KMT2C: variants seen among roughly 807,000 people sequenced by gnomAD.
KMT2C encodes lysine methyltransferase 2C, also known as histone-lysine N-methyltransferase 2C.
A neutral mutation model predicts 507.9 loss-of-function variants in KMT2C; 88 were observed. That is an observed-to-expected ratio of 0.17 (90% CI 0.15 to 0.21). The LOEUF (loss-of-function observed/expected upper bound fraction) is 0.21. Among genes scored for constraint, KMT2C ranks in the 10% least tolerant of loss-of-function variants. The probability of loss-of-function intolerance (pLI) is 1.00; values close to 1 mark genes in which losing one functional copy is unlikely to be tolerated. For synonymous variants in KMT2C, 2,049 were observed against 2,080.8 expected (o/e 0.98, Z 0.42); for missense variants, 4,954 against 5,957.8 (o/e 0.83, Z 5.55).
Position 152,182,588 on chromosome 7 carries a change from G to A in KMT2C, c.5272C>T (p.Arg1758Cys), listed in dbSNP as rs2093468706. The A allele has an allele frequency of 6.4e-7, 1 of 1,558,588 alleles. No individual in the cohort carries two copies. Among genetic ancestry groups the A allele is most frequent in the Non-Finnish European group, 8.7e-7 (1 of 1,152,756 alleles). The change falls in exon 36 of 59, where the codon CGT becomes TGT. Residue 1758 changes from arginine to cysteine, a missense_variant. By Grantham distance (180) the Arg-to-Cys change is radical (BLOSUM62 -3). Transcript: ENST00000262189. The stretch of plus-strand genomic sequence containing the variant: ...TTAGCTTGCTGCTTACTTTTCTGAC[G>A]CATTTGCTATTAAAATAGAAAAGAA... ...EQEWKFRQQM[R>C]QKSKQQAKIE...
chr7:152,301,887 C>G (rs1226836971), intron 6 of KMT2C, among the ~76,000 whole-genome samples: 1 of 152,184 alleles, frequency 6.6e-6, no homozygotes, highest in Non-Finnish European at 1.5e-5. Flanking sequence ...CATAAAAGTA[C>G]TTTCCATTGG....
intron 1 of KMT2C, among the ~76,000 whole-genome samples, chr7:152,420,701 G>T (rs977310359): frequency 7.2e-5 from 11 of 151,958 alleles, no homozygotes; most frequent in African/African-American, 2.2e-4. Context: ...TGGGTGCGGT[G>T]GTGCACGCCT....
intron 6 of KMT2C, among the ~76,000 whole-genome samples, chr7:152,290,238 GT>G (rs2096389750): frequency 9.9e-6 from 1 of 100,720 alleles, no homozygotes; most frequent in African/African-American, 4.8e-5. Flanking sequence ...GTGTGTGTGT[GT>G]GTGTGTGTGT....
intron 2 of KMT2C, among the ~76,000 whole-genome samples, chr7:152,335,236 T>A (rs1221341709): frequency 6.6e-6 from 1 of 152,244 alleles, no homozygotes; most frequent in Non-Finnish European, 1.5e-5. Context: ...AGACTCTCTC[T>A]GCCTGCCTAT....
chr7:152,391,687 C>A (rs531574201), intron 1 of KMT2C, among the ~76,000 whole-genome samples: 2 of 152,302 alleles, frequency 1.3e-5, no homozygotes, highest in African/African-American at 4.8e-5. Context: ...CAGGCACACA[C>A]CACCACACCG....
At chr7:152,277,414 G>T (rs1320854983) in intron 6 of KMT2C, among the ~76,000 whole-genome samples, 3 of 152,084 alleles carry the variant, frequency 2.0e-5, no homozygotes, top group Non-Finnish European at 4.4e-5. Context: ...GAAAATGGGA[G>T]GGATTATAAT....
chr7:152,411,788 T>A (rs1589838008), intron 1 of KMT2C, among the ~76,000 whole-genome samples: 4 of 152,294 alleles, frequency 2.6e-5, no homozygotes, highest in African/African-American at 9.6e-5. Flanking sequence ...CTAGGATTTC[T>A]TTAAATAATA....
intron 14 of KMT2C, among the ~76,000 whole-genome samples, chr7:152,242,491 AG>A (rs1260452349): frequency 1.3e-5 from 2 of 152,234 alleles, no homozygotes; most frequent in Non-Finnish European, 2.9e-5. Flanking sequence ...AGTTGTAAAT[AG>A]AATCAACTTG....
chr7:152,291,216 A>G (rs2096420755), intron 6 of KMT2C, among the ~76,000 whole-genome samples: 1 of 152,186 alleles, frequency 6.6e-6, no homozygotes, highest in South Asian at 2.1e-4. Context: ...CAGCGCAAAA[A>G]ACTGCAATAA....
chr7:152,183,318 T>A (rs896443950), intron 34 of KMT2C, among the ~76,000 whole-genome samples, 162 bp from the exon 35 acceptor site: 14 of 152,148 alleles, frequency 9.2e-5, no homozygotes, highest in Non-Finnish European at 1.6e-4. Context: ...CACTAACTCA[T>A]CTTCTCTCTT....
At chr7:152,387,206 TA>T (rs1483233233) in intron 1 of KMT2C, among the ~76,000 whole-genome samples, 2 of 151,636 alleles carry the variant, frequency 1.3e-5, no homozygotes, top group African/African-American at 4.8e-5. Context: ...AATTAAATAT[TA>T]AAATTATTAA....
chr7:152,241,664 G>A (rs2095388787), intron 14 of KMT2C, among the ~76,000 whole-genome samples: 2 of 139,896 alleles, frequency 1.4e-5, no homozygotes, highest in South Asian at 4.6e-4. Context: ...GTAGGCAGTG[G>A]GGGCAAAAGA....
In KMT2C at chr7:152,158,962, C is replaced by G. The variant is rs553879441; in HGVS notation, c.11571G>C (p.Thr3857=). 4.3e-6 allele frequency: 7 copies of G among 1,614,198 alleles called. No homozygotes were observed. Among genetic ancestry groups the G allele is most frequent in the Admixed American group, 3.3e-5 (2 of 60,028 alleles). ...TTGAGCGAGGTGCTGCTTTCTCACC[C>G]GTCCTCTGAGTCCGTTTGCTTCGCT... ...KKQRSKRTQR[T]GEKAAPRSKK... Residue 3857 remains threonine, a synonymous_variant, in exon 44 of 59, where the codon ACG becomes ACC. Transcript: ENST00000262189.
intron 6 of KMT2C, among the ~76,000 whole-genome samples, chr7:152,299,541 C>T (rs1291730053): frequency 6.6e-6 from 1 of 151,668 alleles, no homozygotes; most frequent in Non-Finnish European, 1.5e-5. Flanking sequence ...GTGGTCTCCA[C>T]TATTGGGAGG....
At chr7:152,369,056 C>T (rs1409767869) in intron 1 of KMT2C, among the ~76,000 whole-genome samples, 1 of 151,800 alleles carries the variant, frequency 6.6e-6, no homozygotes, top group Non-Finnish European at 1.5e-5. Context: ...GGAGCAGTGG[C>T]TCACACCTGT....
At chr7:152,192,874 T>C (rs534402135) in intron 31 of KMT2C, among the ~76,000 whole-genome samples, 1 of 151,912 alleles carries the variant, frequency 6.6e-6, no homozygotes, top group Non-Finnish European at 1.5e-5. Flanking sequence ...TATGCTCAAA[T>C]CATCAGAAAT....
intron 2 of KMT2C, among the ~76,000 whole-genome samples, chr7:152,354,119 T>G (rs2097134675): frequency 6.6e-6 from 1 of 152,196 alleles, no homozygotes; most frequent in Admixed American, 6.5e-5. Flanking sequence ...CTTGGCTTTA[T>G]TAACTTTAGT....
At position 152,163,387 on chromosome 7, in the gene KMT2C, T is replaced by G. The variant is rs137865078; in HGVS notation, c.10190A>C (p.Glu3397Ala). 6.2e-6 allele frequency: 10 copies of G among 1,614,132 alleles called. No homozygotes were observed. The African/African-American group carries it at 1.2e-4, about 19-fold the overall frequency. ...TCGTAAACGTTCCTTACGTTCCCGT[T>G]CTTGAAAACTTTCACTAAAGGGATT... ...DNNPFSESFQ[E>A]RERKERLREQ... The change falls in exon 43 of 59, where the codon GAA (glutamate) becomes GCA (alanine). Residue 3397 changes from glutamate to alanine, a missense_variant. Physicochemically the swap from Glu to Ala is moderately radical, Grantham distance 107. This residue lies in a region of KMT2C where 801 missense variants were observed against 751.2 expected (regional missense o/e 1.07). Coordinates refer to ENST00000262189, the MANE Select transcript of KMT2C (RefSeq NM_170606.3).
chr7:152,256,437 A>G (rs1248679663), intron 9 of KMT2C, among the ~76,000 whole-genome samples: 3 of 152,098 alleles, frequency 2.0e-5, no homozygotes, highest in Non-Finnish European at 2.9e-5. Flanking sequence ...GGTGGTACAC[A>G]TAACTCCTAG....
Sources: allele counts gnomAD v4.1 joint callset (sites outside exome capture counted in the v4.1 genomes callset), GRCh38; gene constraint gnomAD v4.1.1; regional missense constraint gnomAD v4.1.1; transcripts MANE v1.5; gene names NCBI Gene and HGNC (gene_info 2026-07-23, HGNC 2026-07-21).